Variants in ENOX1 observed in about 807,000 individuals in gnomAD.
The protein encoded by ENOX1 is ecto-NOX disulfide-thiol exchanger 1, also known as candidate growth-related and time keeping constitutive hydroquinone (NADH) oxidase.
In ENOX1, 42 loss-of-function variants were observed where a neutral mutation model predicts 82.5. The observed-to-expected ratio is 0.51, with a 90% CI of 0.40 to 0.66. The LOEUF (loss-of-function observed/expected upper bound fraction) is 0.66. ENOX1 is among the 30% of genes least tolerant of loss of function. ENOX1 has a pLI of 0.00. For missense variants in ENOX1, 608 were observed against 811.6 expected, an observed-to-expected ratio of 0.75 and a Z score of 3.05; for synonymous variants, 271 against 282.2, an observed-to-expected ratio of 0.96 and a Z score of 0.40.
At chr13:43,269,404 C>T in intron 13 of ENOX1, 66 bp downstream of exon 13, 5 of 1,228,410 alleles carry the variant, frequency 4.1e-6, no homozygotes, top group South Asian at 1.2e-5. Flanking sequence ...ACGGGTGACG[C>T]ACAAGGGAGG....
chr13:43,520,332 G>T (rs2077715734), intron 2 of ENOX1, among the ~76,000 whole-genome samples: 1 of 151,822 alleles, frequency 6.6e-6, no homozygotes, highest in African/African-American at 2.4e-5. Flanking sequence ...CATTATCCTT[G>T]GTAAGTACAA....
intron 2 of ENOX1, among the ~76,000 whole-genome samples, chr13:43,597,872 A>C (rs1016895491): frequency 6.6e-6 from 1 of 152,100 alleles, no homozygotes; most frequent in Non-Finnish European, 1.5e-5. Context: ...GCCTCTTCTC[A>C]TATCAGGAGT....
chr13:43,701,860 T>C (rs1455429406), intron 1 of ENOX1, among the ~76,000 whole-genome samples: 3 of 152,224 alleles, frequency 2.0e-5, no homozygotes, highest in Admixed American at 6.5e-5. Context: ...TTGTATGCAC[T>C]CATTTGTACA....
chr13:43,369,864 G>A (rs1241478632), intron 5 of ENOX1, among the ~76,000 whole-genome samples: 2 of 152,234 alleles, frequency 1.3e-5, no homozygotes, highest in African/African-American at 2.4e-5. Context: ...ACCATTAGCT[G>A]CCTTCCTGGC....
At chr13:43,357,821 C>T (rs2050246166) in intron 7 of ENOX1, among the ~76,000 whole-genome samples, 1 of 152,236 alleles carries the variant, frequency 6.6e-6, no homozygotes, top group South Asian at 2.1e-4. Flanking sequence ...TAAAATTAGA[C>T]AGGCCTTCCA....
chr13:43,251,956 T>C (rs9525755), intron 14 of ENOX1, among the ~76,000 whole-genome samples: 5,030 of 152,284 alleles, frequency 0.033, 105 homozygotes, highest in Non-Finnish European at 0.049. Context: ...TGATTGTGCG[T>C]GTGTGTAGTG....
intron 9 of ENOX1, among the ~76,000 whole-genome samples, chr13:43,333,225 G>A (rs1401590326): frequency 6.6e-6 from 1 of 152,156 alleles, no homozygotes; most frequent in Non-Finnish European, 1.5e-5. Flanking sequence ...AAGAGCACCT[G>A]AATTTTTAAT....
chr13:43,673,596 C>T (rs2085368564), intron 1 of ENOX1, among the ~76,000 whole-genome samples: 1 of 152,198 alleles, frequency 6.6e-6, no homozygotes, highest in Non-Finnish European at 1.5e-5. Flanking sequence ...TCTTTAAAAC[C>T]CAGTAATGAA....
intron 1 of ENOX1, among the ~76,000 whole-genome samples, chr13:43,677,332 T>C (rs1054994752): frequency 6.6e-6 from 1 of 151,626 alleles, no homozygotes; most frequent in African/African-American, 2.4e-5. Context: ...TGAGTGAGAG[T>C]GGCCAAAAGG....
intron 13 of ENOX1, among the ~76,000 whole-genome samples, chr13:43,268,930 A>G (rs956939709): frequency 1.3e-5 from 2 of 152,222 alleles, no homozygotes; most frequent in South Asian, 2.1e-4. Flanking sequence ...CAATCCACTT[A>G]TCAATGTCAG....
At chr13:43,610,187 T>C (rs1414064726) in intron 2 of ENOX1, among the ~76,000 whole-genome samples, 1 of 152,182 alleles carries the variant, frequency 6.6e-6, no homozygotes, top group South Asian at 2.1e-4. Context: ...CAACATAATA[T>C]TGTAAAGTCA....
At chr13:43,613,438 A>G (rs1011961505) in intron 2 of ENOX1, among the ~76,000 whole-genome samples, 4 of 152,198 alleles carry the variant, frequency 2.6e-5, no homozygotes, top group African/African-American at 7.2e-5. Flanking sequence ...AGTGAATTTT[A>G]TGGTATGTAA....
intron 2 of ENOX1, among the ~76,000 whole-genome samples, chr13:43,640,919 TAC>T (rs55732866): frequency 0.98 from 147,345 of 150,640 alleles, 72,057 homozygotes; most frequent in Middle Eastern, 1. Flanking sequence ...CACGCACACA[TAC>T]ACACACACAC....
At chr13:43,619,957 C>G (rs1255446784) in intron 2 of ENOX1, among the ~76,000 whole-genome samples, 4 of 152,098 alleles carry the variant, frequency 2.6e-5, no homozygotes, top group Non-Finnish European at 5.9e-5. Flanking sequence ...TTCAGGGTAT[C>G]TAACTCTTCC....
intron 1 of ENOX1, among the ~76,000 whole-genome samples, chr13:43,766,276 AG>A (rs1951257799): frequency 6.6e-6 from 1 of 152,252 alleles, no homozygotes; most frequent in Non-Finnish European, 1.5e-5. Flanking sequence ...GAAGGTGCAC[AG>A]GAGCAGTGAT....
At chr13:43,616,829 C>A (rs1436830928) in intron 2 of ENOX1, among the ~76,000 whole-genome samples, 1 of 152,028 alleles carries the variant, frequency 6.6e-6, no homozygotes, top group Non-Finnish European at 1.5e-5. Context: ...AAATGTTCCT[C>A]AGGAATTTTT....
chr13:43,767,018 G>C (rs1951317712), intron 1 of ENOX1, among the ~76,000 whole-genome samples: 1 of 151,580 alleles, frequency 6.6e-6, no homozygotes. Context: ...CCTTTCAATA[G>C]AACTGAAGTG....
intron 3 of ENOX1, among the ~76,000 whole-genome samples, chr13:43,419,078 T>A (rs1329918761): frequency 6.6e-6 from 1 of 152,088 alleles, no homozygotes; most frequent in Non-Finnish European, 1.5e-5. Flanking sequence ...CACGGGAGGC[T>A]GAGGCAGGAG....
intron 2 of ENOX1, among the ~76,000 whole-genome samples, chr13:43,527,549 G>GT (rs906208993): frequency 4.6e-5 from 7 of 152,078 alleles, no homozygotes; most frequent in Non-Finnish European, 8.8e-5. Flanking sequence ...TTTGTATACA[G>GT]TTTATAGAGT....
Sources: gnomAD v4.1 joint callset for allele counts (sites outside exome capture counted in the v4.1 genomes callset) on GRCh38, gnomAD v4.1.1 for gene constraint, MANE v1.5 for transcripts, NCBI Gene and HGNC (gene_info 2026-07-23, HGNC 2026-07-21) for gene names.